CFAP58: variants seen among roughly 807,000 people sequenced by gnomAD.
CFAP58 encodes the protein cilia and flagella associated protein 58.
In CFAP58, 88 loss-of-function variants were observed where a neutral mutation model predicts 119.5. That is an observed-to-expected ratio of 0.74 (90% CI 0.62 to 0.88). The LOEUF (loss-of-function observed/expected upper bound fraction) is 0.88, where lower values mean the gene tolerates loss of function less well. Among genes scored for constraint, CFAP58 ranks in the 40% least tolerant of loss-of-function variants. The pLI is 0.00. For missense variants in CFAP58, 990 were observed against 1,021.2 expected (o/e 0.97, Z 0.42); for synonymous variants, 365 against 366.3 (o/e 1.00, Z 0.04).
intron 15 of CFAP58, among the ~76,000 whole-genome samples, chr10:104,429,637 G>A (rs1589933207): frequency 6.6e-6 from 1 of 152,178 alleles, no homozygotes; most frequent in African/African-American, 2.4e-5. Context: ...TCTCTGATGT[G>A]TGAATTCTTT....
Position 104,376,896 on chromosome 10 carries a change from G to T in CFAP58, c.1173+3G>T. Reference sequence around the variant, plus strand: ...GAGAAAGGGACATACTAAATAAGGTGAGTGTGTTACAGTCACACTGGTAAA... The same window carrying T: ...GAGAAAGGGACATACTAAATAAGGTTAGTGTGTTACAGTCACACTGGTAAA... On this transcript the variant is annotated splice_donor_region_variant and intron_variant, in intron 8 of 17. Coordinates refer to ENST00000369704, the MANE Select transcript of CFAP58 (RefSeq NM_001008723.2). 1 of 1,603,676 alleles carries T rather than the reference G, an allele frequency of 6.2e-7. No individual in the cohort carries two copies. Among genetic ancestry groups the T allele is most frequent in the Non-Finnish European group, 8.5e-7 (1 of 1,170,846 alleles).
intron 9 of CFAP58, among the ~76,000 whole-genome samples, chr10:104,391,347 G>T (rs1453950065): frequency 6.6e-6 from 1 of 151,944 alleles, no homozygotes; most frequent in African/African-American, 2.4e-5. Flanking sequence ...ATTGCTCTGT[G>T]TCCTCCCATT....
intron 1 of CFAP58, among the ~76,000 whole-genome samples, chr10:104,358,011 A>G (rs2014609431): frequency 1.5e-5 from 2 of 129,792 alleles, no homozygotes; most frequent in Admixed American, 7.4e-5. Context: ...ATATATACAC[A>G]TATATGTACA....
the CFAP58 span, among the ~76,000 whole-genome samples, chr10:104,339,739 CA>C: frequency 6.6e-4 from 100 of 152,300 alleles, 1 homozygote; most frequent in African/African-American, 2.3e-3. Context: ...TACTGCTGCT[CA>C]AATTCTTTCC....
At chr10:104,424,551 C>T (rs1419966052) in intron 15 of CFAP58, among the ~76,000 whole-genome samples, 2 of 152,116 alleles carry the variant, frequency 1.3e-5, no homozygotes, top group Non-Finnish European at 2.9e-5. Context: ...ATGGTCCTTA[C>T]CTGCAAGAAA....
chr10:104,448,053 G>A (rs2013138609), intron 16 of CFAP58, among the ~76,000 whole-genome samples: 2 of 152,230 alleles, frequency 1.3e-5, no homozygotes, highest in Admixed American at 1.3e-4. Context: ...AGGTGAGCAA[G>A]GGAGGAAAAG....
At chr10:104,380,403 T>C (rs1190020728) in intron 9 of CFAP58, among the ~76,000 whole-genome samples, 183 bp downstream of exon 9, 2 of 152,216 alleles carry the variant, frequency 1.3e-5, no homozygotes, top group East Asian at 3.9e-4. Flanking sequence ...GGCCACATTG[T>C]GAAAAGGACA....
chr10:104,364,427 A>AACACACACAC (rs66757511), intron 3 of CFAP58, among the ~76,000 whole-genome samples: 31 of 142,244 alleles, frequency 2.2e-4, no homozygotes, highest in Middle Eastern at 3.5e-3. Context: ...ATGTCTGTAA[A>AACACACACAC]ACACACACAC....
the CFAP58 span, among the ~76,000 whole-genome samples, chr10:104,345,208 C>T: frequency 6.6e-6 from 1 of 151,992 alleles, no homozygotes; most frequent in African/African-American, 2.4e-5. Context: ...TTATAGATGC[C>T]TATCCTTGTT....
At chr10:104,342,000 C>T in the CFAP58 span, among the ~76,000 whole-genome samples, 203 of 152,256 alleles carry the variant, frequency 1.3e-3, no homozygotes, top group South Asian at 5.8e-3. Context: ...CTGCAAGTAA[C>T]GGAATACCAG....
At chr10:104,438,004 G>A (rs893383104) in intron 15 of CFAP58, among the ~76,000 whole-genome samples, 4 of 152,054 alleles carry the variant, frequency 2.6e-5, no homozygotes, top group African/African-American at 9.7e-5. Flanking sequence ...ATTTCTCAGA[G>A]GAGGAAACAC....
At chr10:104,371,785 A>C (rs1043854114) in intron 7 of CFAP58, among the ~76,000 whole-genome samples, 2 of 152,192 alleles carry the variant, frequency 1.3e-5, no homozygotes, top group Non-Finnish European at 2.9e-5. Flanking sequence ...AATATAATTA[A>C]AATACAGTAT....
intron 15 of CFAP58, among the ~76,000 whole-genome samples, chr10:104,440,920 G>C (rs772069090): frequency 6.6e-6 from 1 of 152,028 alleles, no homozygotes; most frequent in African/African-American, 2.4e-5. Flanking sequence ...ACCTCTTTGG[G>C]AACCTGGCAT....
chr10:104,420,934 G>A (rs1342836711), intron 15 of CFAP58, among the ~76,000 whole-genome samples: 1 of 151,782 alleles, frequency 6.6e-6, no homozygotes, highest in Non-Finnish European at 1.5e-5. Flanking sequence ...TTTGTATTTA[G>A]TAGAGATGGG....
chr10:104,340,437 G>A, the CFAP58 span, among the ~76,000 whole-genome samples: 1 of 152,158 alleles, frequency 6.6e-6, no homozygotes, highest in Non-Finnish European at 1.5e-5. Flanking sequence ...CTAATTGTAT[G>A]CTCAGTCTTC....
chr10:104,375,889 G>A lies in CFAP58; in HGVS notation c.1091-922G>A, dbSNP rs558299003. ...GGGATCAATAGAAAGGAAATGCTCAGGTTTAGATAAAGGACTGTGGAGACC... is the reference window on the plus strand; with the variant it reads ...GGGATCAATAGAAAGGAAATGCTCAAGTTTAGATAAAGGACTGTGGAGACC... On this transcript the variant is annotated intron_variant, in intron 7 of 17. Transcript: ENST00000369704. Among the ~76,000 whole-genome samples the A allele has an allele frequency of 1.6e-4, 25 of 152,236 alleles. 2 individuals carry two copies. Among genetic ancestry groups the A allele is most frequent in the African/African-American group, 6.0e-4 (25 of 41,554 alleles).
intron 14 of CFAP58, among the ~76,000 whole-genome samples, chr10:104,404,501 G>C (rs530618279): frequency 2.3e-4 from 35 of 152,304 alleles, no homozygotes; most frequent in Non-Finnish European, 4.4e-4. Context: ...GATGCTAAAA[G>C]GGCCTTCGAC....
intron 15 of CFAP58, among the ~76,000 whole-genome samples, chr10:104,410,907 A>G (rs950890350): frequency 1.5e-4 from 22 of 151,524 alleles, no homozygotes; most frequent in Admixed American, 3.3e-4. Context: ...TCTTTGTTAC[A>G]TTTTCTTAGC....
intron 15 of CFAP58, among the ~76,000 whole-genome samples, chr10:104,443,827 A>G (rs548645554): frequency 7.9e-4 from 120 of 152,338 alleles, no homozygotes; most frequent in Non-Finnish European, 1.4e-3. Flanking sequence ...ACAGACTGCC[A>G]CCATGTAATA....
Sources: allele counts gnomAD v4.1 joint callset (sites outside exome capture counted in the v4.1 genomes callset), GRCh38; gene constraint gnomAD v4.1.1; transcripts MANE v1.5; gene names NCBI Gene and HGNC (gene_info 2026-07-23, HGNC 2026-07-21).